The following GPR39 variants were observed in gnomAD, a reference collection of about 807,000 sequenced individuals.
The protein encoded by GPR39 is G protein-coupled receptor 39, also known as zinc sensing receptor.
In GPR39, 23 loss-of-function variants were observed where a neutral mutation model predicts 18.4. That is an observed-to-expected ratio of 1.25 (90% CI 0.90 to 1.77). The LOEUF (loss-of-function observed/expected upper bound fraction) is 1.77, where lower values mean the gene tolerates loss of function less well. Among genes scored for constraint, GPR39 ranks in the 40% most tolerant of loss-of-function variants. The probability of loss-of-function intolerance (pLI) is 0.00; values close to 1 mark genes in which losing one functional copy is unlikely to be tolerated. For missense variants in GPR39, 647 were observed against 602.4 expected (o/e 1.07, Z -0.78); for synonymous variants, 280 against 257.9 (o/e 1.09, Z -0.82).
chr2:132,457,352 A>C (rs951764576), intron 1 of GPR39, among the ~76,000 whole-genome samples: 3 of 152,188 alleles, frequency 2.0e-5, no homozygotes, highest in African/African-American at 7.2e-5. Context: ...GGTCTTCTCT[A>C]CACTGTTTAT....
At chr2:132,638,049 A>G (rs1182826226) in intron 1 of GPR39, among the ~76,000 whole-genome samples, 1 of 152,084 alleles carries the variant, frequency 6.6e-6, no homozygotes, top group Admixed American at 6.6e-5. Flanking sequence ...ATACTGGAGA[A>G]ACATGTACAG....
At chr2:132,595,994 A>G (rs537373259) in intron 1 of GPR39, among the ~76,000 whole-genome samples, 11 of 152,230 alleles carry the variant, frequency 7.2e-5, no homozygotes, top group African/African-American at 2.6e-4. Context: ...TAGTGTAGCC[A>G]GCTCTCCCCC....
intron 1 of GPR39, among the ~76,000 whole-genome samples, chr2:132,525,314 T>C (rs529346131): frequency 4.0e-4 from 61 of 152,158 alleles, no homozygotes; most frequent in Non-Finnish European, 6.2e-4. Context: ...AATGCCCTCA[T>C]CTGTGAAATG....
intron 1 of GPR39, among the ~76,000 whole-genome samples, chr2:132,492,407 TACCATATATATACCATATATAC>T (rs1338596071): frequency 7.2e-6 from 1 of 138,750 alleles, no homozygotes; most frequent in African/African-American, 2.7e-5. Context: ...TATATATACA[TACCATATATATACCATATATAC>T]ACCATATATA....
At chr2:132,515,056 C>A (rs1446782320) in intron 1 of GPR39, among the ~76,000 whole-genome samples, 1 of 152,210 alleles carries the variant, frequency 6.6e-6, no homozygotes, top group African/African-American at 2.4e-5. Flanking sequence ...TAACTAGTAG[C>A]TACAATTGTG....
intron 1 of GPR39, among the ~76,000 whole-genome samples, chr2:132,502,409 G>A (rs1015385652): frequency 3.3e-5 from 5 of 152,060 alleles, no homozygotes; most frequent in Non-Finnish European, 7.4e-5. Flanking sequence ...GACCCCAATC[G>A]CTTCTAGCTT....
At chr2:132,596,365 T>A (rs1232211553) in intron 1 of GPR39, among the ~76,000 whole-genome samples, 2 of 152,234 alleles carry the variant, frequency 1.3e-5, no homozygotes, top group African/African-American at 4.8e-5. Flanking sequence ...TGTTTTGCAA[T>A]GCCTCCAGCA....
intron 1 of GPR39, among the ~76,000 whole-genome samples, chr2:132,524,229 G>A (rs1679471402): frequency 6.6e-6 from 1 of 152,228 alleles, no homozygotes; most frequent in African/African-American, 2.4e-5. Context: ...AGAGGGTCTT[G>A]AGTTTCCCTG....
At chr2:132,602,880 A>AAC (rs1553459516) in intron 1 of GPR39, among the ~76,000 whole-genome samples, 4 of 151,660 alleles carry the variant, frequency 2.6e-5, no homozygotes, top group Middle Eastern at 3.4e-3. Context: ...AGAAAAAAAA[A>AAC]AAAAACAAAT....
chr2:132,517,051 C>T (rs764343300), intron 1 of GPR39, among the ~76,000 whole-genome samples: 7 of 151,522 alleles, frequency 4.6e-5, no homozygotes, highest in African/African-American at 1.2e-4. Context: ...AGATAAAATG[C>T]GCATTTTTTT....
chr2:132,457,929 C>T (rs1680761142), intron 1 of GPR39, among the ~76,000 whole-genome samples: 1 of 152,248 alleles, frequency 6.6e-6, no homozygotes, highest in African/African-American at 2.4e-5. Flanking sequence ...GGGTGTGGGA[C>T]CTGCTGAGCC....
chr2:132,613,061 A>T (rs143795888), intron 1 of GPR39, among the ~76,000 whole-genome samples: 10 of 152,338 alleles, frequency 6.6e-5, no homozygotes, highest in African/African-American at 2.2e-4. Context: ...AAATGCTATT[A>T]TGAACTGTAC....
At chr2:132,511,803 A>G (rs1046220849) in intron 1 of GPR39, among the ~76,000 whole-genome samples, 3 of 152,196 alleles carry the variant, frequency 2.0e-5, no homozygotes, top group African/African-American at 7.2e-5. Context: ...TGAGGCAGGC[A>G]TTGTTGCTAA....
intron 1 of GPR39, among the ~76,000 whole-genome samples, chr2:132,562,341 A>G (rs925204759): frequency 1.3e-5 from 2 of 152,206 alleles, no homozygotes; most frequent in Non-Finnish European, 2.9e-5. Context: ...ATATTTGGGA[A>G]AATTCTTTGG....
chr2:132,530,125 G>A (rs1345172623), intron 1 of GPR39, among the ~76,000 whole-genome samples: 1 of 152,056 alleles, frequency 6.6e-6, no homozygotes, highest in Non-Finnish European at 1.5e-5. Context: ...TAGACGAATG[G>A]CTAACTAGAA....
chr2:132,474,172 T>C (rs1264753563), intron 1 of GPR39, among the ~76,000 whole-genome samples: 3 of 152,212 alleles, frequency 2.0e-5, no homozygotes, highest in Non-Finnish European at 2.9e-5. Context: ...GGGTTTTCTC[T>C]TTTCTCAAAG....
chr2:132,498,453 CA>C (rs1681690389), intron 1 of GPR39, among the ~76,000 whole-genome samples: 1 of 151,998 alleles, frequency 6.6e-6, no homozygotes, highest in African/African-American at 2.4e-5. Flanking sequence ...ATTTATATAC[CA>C]CATTTTCTTT....
chr2:132,504,029 A>G (rs1170098995), intron 1 of GPR39, among the ~76,000 whole-genome samples: 1 of 152,170 alleles, frequency 6.6e-6, no homozygotes, highest in African/African-American at 2.4e-5. Context: ...GAGCTTCCCT[A>G]TTGAGAAAGC....
chr2:132,467,572 AAAAAG>A (rs1417342622), intron 1 of GPR39, among the ~76,000 whole-genome samples: 6 of 152,248 alleles, frequency 3.9e-5, no homozygotes, highest in Admixed American at 3.9e-4. Flanking sequence ...TAAAAGTTGA[AAAAAG>A]AAAAGTATTT....
Sources: gnomAD v4.1 joint callset for allele counts (sites outside exome capture counted in the v4.1 genomes callset) on GRCh38, gnomAD v4.1.1 for gene constraint, MANE v1.5 for transcripts, NCBI Gene and HGNC (gene_info 2026-07-23, HGNC 2026-07-21) for gene names.